CARHSP1: variants seen among roughly 807,000 people sequenced by gnomAD.
The protein encoded by CARHSP1 is calcium-regulated heat-stable protein 1.
In CARHSP1, 14 loss-of-function variants were observed where a neutral mutation model predicts 12.5. The observed-to-expected ratio is 1.12, with a 90% confidence interval of 0.74 to 1.75. The LOEUF (loss-of-function observed/expected upper bound fraction) is 1.75. Ranked by LOEUF, CARHSP1 falls within the 40% of genes most tolerant of loss-of-function variation. The pLI is 0.00. For missense variants in CARHSP1, 343 were observed against 201.6 expected (o/e 1.70, Z -4.25); for synonymous variants, 161 against 82.0 (o/e 1.96, Z -5.20).
chr16:8,853,856 T>C lies in CARHSP1; in HGVS notation c.*1308A>G, dbSNP rs1024309481. 43 of 152,152 alleles carry C rather than the reference T, an allele frequency of 2.8e-4. No homozygotes were observed. Among genetic ancestry groups the C allele is most frequent in the African/African-American group, 1.0e-3 (42 of 41,432 alleles). The allele number at this position is 152,152 out of a possible 1,614,324, so 9.4% of individuals were successfully genotyped here. The stretch of plus-strand genomic sequence containing the variant: ...ATCCCAGCACTTTGAGAGGCCGAGA[T>C]GGGCAGATCATCTGAGGTCAGGGGT... On this transcript the variant is annotated 3_prime_UTR_variant, in exon 4 of 4. Transcript: ENST00000311052.
intron 3 of CARHSP1, among the ~76,000 whole-genome samples, chr16:8,857,267 T>TTTG (rs1285555523): frequency 2.3e-4 from 4 of 17,228 alleles, no homozygotes; most frequent in African/African-American, 5.8e-4. Context: ...AGATCTGTTT[T>TTTG]TTTTTTTTTT....
chr16:8,861,598 TGGGC>T (rs2061357290), intron 1 of CARHSP1: 1 of 1,287,410 alleles, frequency 7.8e-7, no homozygotes, highest in Admixed American at 2.3e-5. Flanking sequence ...ACTCTCCCGT[TGGGC>T]CTCAGTTCTG....
Position 8,853,349 on chromosome 16 carries a change from A to G in CARHSP1, c.*1815T>C, listed in dbSNP as rs1019183801. 6.6e-6 allele frequency: 1 copy of G among 152,090 alleles called. No individual in the cohort carries two copies. Among genetic ancestry groups the G allele is most frequent in the Admixed American group, 6.6e-5 (1 of 15,244 alleles). The allele number at this position is 152,090 out of a possible 1,614,324, so 9.4% of individuals were successfully genotyped here. A position where few individuals can be genotyped will look rare whatever the true frequency, so the allele number is the denominator to read the frequency against. On this transcript the variant is annotated 3_prime_UTR_variant, in exon 4 of 4. Transcript: ENST00000311052. The stretch of plus-strand genomic sequence containing the variant: ...AATTCAAGGCTGGAGAGAAAAGGCC[A>G]CCTTTGACCCAGCAGAAGGCAGAGG...
chr16:8,859,239 T>C lies in CARHSP1; in HGVS notation c.90A>G (p.Ser30=). 1 of 1,599,234 alleles carries C rather than the reference T, an allele frequency of 6.3e-7. No homozygotes were observed. Among genetic ancestry groups the C allele is most frequent in the East Asian group, 2.2e-5 (1 of 44,546 alleles). The change falls in exon 2 of 4, where the codon TCA becomes TCG. Residue 30 remains serine, a synonymous_variant. Transcript: ENST00000311052. ...LLDTPRSRER[S]PSPLRGNVVP... ...CCACGTTGCCCCGCAGAGGGGATGG[T>C]GAGCGCTCACGGCTCCGAGGGGTGT...
intron 1 of CARHSP1, among the ~76,000 whole-genome samples, chr16:8,861,071 A>T (rs1330069922): frequency 1.5e-5 from 2 of 136,498 alleles, no homozygotes; most frequent in African/African-American, 2.8e-5. Flanking sequence ...AATAACTTTT[A>T]TTTTTTTGAG....
intron 3 of CARHSP1, among the ~76,000 whole-genome samples, chr16:8,857,275 T>TTTTTTG (rs1567181179): frequency 1.3e-4 from 13 of 100,632 alleles, no homozygotes; most frequent in South Asian, 3.6e-4. Flanking sequence ...TTTTTTTTTT[T>TTTTTTG]TTTTTTTTTT....
chr16:8,860,180 G>A, intron 1 of CARHSP1: 1 of 985,442 alleles, frequency 1.0e-6, no homozygotes, highest in Non-Finnish European at 1.2e-6. Flanking sequence ...GGATCCCTGA[G>A]CAGCTGTCAC....
At chr16:8,857,170 C>G (rs2061144745) in intron 3 of CARHSP1, among the ~76,000 whole-genome samples, 1 of 151,740 alleles carries the variant, frequency 6.6e-6, no homozygotes, top group Non-Finnish European at 1.5e-5. Flanking sequence ...ATGCACCATG[C>G]ACAGCTGACA....
At position 8,855,201 on chromosome 16, in the gene CARHSP1, TTGGTGCC is replaced by T. The variant is rs1336839017; in HGVS notation, c.400_406del (p.Gly134SerfsTer91). Reference sequence around the variant, plus strand: ...GACATGTCCAGACCAGGTCTCATGCTTGGTGCCTGGTGCCAGGTGAGTGATGACGACC... The same window carrying T: ...GACATGTCCAGACCAGGTCTCATGCTTGGTGCCAGGTGAGTGATGACGACC... On this transcript the variant is annotated frameshift_variant, in exon 4 of 4. Coordinates refer to ENST00000311052, the MANE Select transcript of CARHSP1 (RefSeq NM_014316.4). LOFTEE classifies it high-confidence loss of function. The T allele has an allele frequency of 3.7e-6, 6 of 1,612,418 alleles. No homozygotes were observed. Among genetic ancestry groups the T allele is most frequent in the South Asian group, 2.2e-5 (2 of 90,852 alleles).
At chr16:8,855,740 T>C (rs746244686) in intron 3 of CARHSP1, among the ~76,000 whole-genome samples, 1 of 152,194 alleles carries the variant, frequency 6.6e-6, no homozygotes, top group Non-Finnish European at 1.5e-5. Flanking sequence ...GGCAGGGCTT[T>C]CCTGAGGTCC....
At chr16:8,855,981 G>A (rs1184842318) in intron 3 of CARHSP1, among the ~76,000 whole-genome samples, 1 of 148,172 alleles carries the variant, frequency 6.7e-6, no homozygotes, top group Non-Finnish European at 1.5e-5. Context: ...GCTAATTTTT[G>A]TATTTTTAGC....
intron 1 of CARHSP1, among the ~76,000 whole-genome samples, chr16:8,865,941 T>C (rs1596330228): frequency 6.6e-6 from 1 of 152,284 alleles, no homozygotes. Flanking sequence ...GGGTGGGGCC[T>C]GAGATTCTTC....
chr16:8,857,269 T>TGTTTTTTGTTTTTTGTTTTTTG (rs756868301), intron 3 of CARHSP1, among the ~76,000 whole-genome samples: 1 of 29,954 alleles, frequency 3.3e-5, no homozygotes, highest in Non-Finnish European at 6.3e-5. Flanking sequence ...ATCTGTTTTT[T>TGTTTTTTGTTTTTTGTTTTTTG]TTTTTTTTTT....
intron 1 of CARHSP1, among the ~76,000 whole-genome samples, chr16:8,860,895 A>G (rs925512266): frequency 1.3e-5 from 2 of 151,498 alleles, no homozygotes; most frequent in African/African-American, 4.8e-5. Context: ...TACTAAAAAT[A>G]CAAAATTAGC....
intron 1 of CARHSP1, chr16:8,861,682 C>G: frequency 7.8e-7 from 1 of 1,289,098 alleles, no homozygotes; most frequent in Non-Finnish European, 1.0e-6. Flanking sequence ...TCCCTTCTCT[C>G]AGCTACAGCC....
rs2061012620 is a variant in CARHSP1 at position 8,853,824 on chromosome 16, A to AGTG, written c.*1339_*1340insCAC. ...TTGCAGGCCGGGCGCGATGGCTCAC[A>AGTG]CTTGTAATCCCAGCACTTTGAGAGG... On this transcript the variant is annotated 3_prime_UTR_variant, in exon 4 of 4. Coordinates refer to ENST00000311052, the MANE Select transcript of CARHSP1 (RefSeq NM_014316.4). 2 of 152,330 alleles carry AGTG rather than the reference A, an allele frequency of 1.3e-5. No homozygotes were observed. Among genetic ancestry groups the AGTG allele is most frequent in the East Asian group, 3.9e-4 (2 of 5,188 alleles). The allele number at this position is 152,330 out of a possible 1,614,324, so 9.4% of individuals were successfully genotyped here. A position where few individuals can be genotyped will look rare whatever the true frequency, so the allele number is the denominator to read the frequency against.
At chr16:8,867,707 G>C (rs995394681) in intron 1 of CARHSP1, 2 of 152,408 alleles carry the variant, frequency 1.3e-5, no homozygotes, top group African/African-American at 2.4e-5. Flanking sequence ...GAGAACTCAC[G>C]GTCATCACCG....
At chr16:8,861,012 A>G (rs2061335211) in intron 1 of CARHSP1, among the ~76,000 whole-genome samples, 1 of 150,474 alleles carries the variant, frequency 6.6e-6, no homozygotes, top group Non-Finnish European at 1.5e-5. Flanking sequence ...ATCACACCAC[A>G]GCACTCCAGC....
intron 1 of CARHSP1, chr16:8,861,950 T>C (rs1297361672): frequency 4.4e-6 from 1 of 226,820 alleles, no homozygotes; most frequent in Admixed American, 6.7e-5. Context: ...CTATCCAAAG[T>C]CTCCCTCCCT....
Sources: allele counts gnomAD v4.1 joint callset (sites outside exome capture counted in the v4.1 genomes callset), GRCh38; gene constraint gnomAD v4.1.1; transcripts MANE v1.5; gene names NCBI Gene and HGNC (gene_info 2026-07-23, HGNC 2026-07-21).